CDK15: variants seen among roughly 807,000 people sequenced by gnomAD.
CDK15 encodes the protein cyclin dependent kinase 15.
CDK15 carries 62 observed loss-of-function variants against 60.3 expected under a neutral mutation model. The ratio of observed to expected loss-of-function variants is 1.03; its 90% CI spans 0.84 to 1.27. CDK15 has a LOEUF of 1.27. Ranked by LOEUF, CDK15 falls within the 50% of genes most tolerant of loss-of-function variation. The probability of loss-of-function intolerance (pLI) is 0.00; values close to 1 mark genes in which losing one functional copy is unlikely to be tolerated. For missense variants in CDK15, 541 were observed against 527.8 expected (o/e 1.03, Z -0.25); for synonymous variants, 194 against 195.7 (o/e 0.99, Z 0.07).
chr2:201,892,232 A>T (rs1699662365), intron 13 of CDK15, among the ~76,000 whole-genome samples: 1 of 152,214 alleles, frequency 6.6e-6, no homozygotes, highest in Non-Finnish European at 1.5e-5. Flanking sequence ...TCTAGAGCAG[A>T]GCTTTTACTG....
At chr2:201,845,034 A>T (rs2105769465) in intron 8 of CDK15, among the ~76,000 whole-genome samples, 1 of 152,146 alleles carries the variant, frequency 6.6e-6, no homozygotes, top group South Asian at 2.1e-4. Flanking sequence ...CTGTAATCCC[A>T]GTTACTCAGG....
intron 11 of CDK15, among the ~76,000 whole-genome samples, chr2:201,878,698 A>G (rs952935667): frequency 1.3e-5 from 2 of 152,166 alleles, no homozygotes; most frequent in Admixed American, 1.3e-4. Context: ...ATAGAAATGT[A>G]TTTCTCACAG....
chr2:201,892,814 C>A (rs1014483646), intron 13 of CDK15, among the ~76,000 whole-genome samples: 2 of 152,192 alleles, frequency 1.3e-5, no homozygotes, highest in Non-Finnish European at 2.9e-5. Context: ...TTAAAATATT[C>A]ACTTTTCAGG....
At position 201,882,833 on chromosome 2, in the gene CDK15, C is replaced by A. The variant is rs915184553; in HGVS notation, c.1198+2666C>A. ...CAGCCAGGGCTGGTTTGTGCACCTTCGTGACAGTGGCTCTCACCACCAGCA... is the reference window on the plus strand; with the variant it reads ...CAGCCAGGGCTGGTTTGTGCACCTTAGTGACAGTGGCTCTCACCACCAGCA... On this transcript the variant is annotated intron_variant, in intron 12 of 13. Coordinates refer to ENST00000652192, the MANE Select transcript of CDK15 (RefSeq NM_001366386.2). This position sits in a 1 kb window ranked among gnomAD's most constrained non-coding sequence, Gnocchi z 4.0. Among the ~76,000 whole-genome samples the A allele has an allele frequency of 3.9e-5, 6 of 152,212 alleles. No homozygotes were observed. The highest frequency in any genetic ancestry group is 1.4e-4 in the African/African-American group (6 of 41,458).
chr2:201,867,204 C>A (rs1698666779), intron 10 of CDK15, among the ~76,000 whole-genome samples: 1 of 152,174 alleles, frequency 6.6e-6, no homozygotes, highest in East Asian at 1.9e-4. Flanking sequence ...TGAGTTGTTA[C>A]AGATGAGGAA....
chr2:201,836,613 G>A (rs971374910), intron 8 of CDK15, among the ~76,000 whole-genome samples: 5 of 151,218 alleles, frequency 3.3e-5, no homozygotes, highest in African/African-American at 7.3e-5. Flanking sequence ...TTTCTTTCAC[G>A]CCTTTCCTCC....
intron 4 of CDK15, among the ~76,000 whole-genome samples, chr2:201,813,358 C>T (rs2106155627): frequency 6.6e-6 from 1 of 152,192 alleles, no homozygotes; most frequent in Middle Eastern, 3.4e-3. Context: ...TGAAATGAAT[C>T]ATTAAAAATA....
chr2:201,833,167 C>G (rs905603858), intron 6 of CDK15, among the ~76,000 whole-genome samples: 1 of 148,874 alleles, frequency 6.7e-6, no homozygotes, highest in Non-Finnish European at 1.5e-5. Context: ...TTTCTCCCTT[C>G]TTCCTCCTAC....
At chr2:201,873,142 T>A (rs999495942) in intron 11 of CDK15, among the ~76,000 whole-genome samples, 10 of 152,246 alleles carry the variant, frequency 6.6e-5, no homozygotes, top group Non-Finnish European at 1.3e-4. Flanking sequence ...CAAAAGTTGT[T>A]TGAATTCTTC....
intron 11 of CDK15, among the ~76,000 whole-genome samples, chr2:201,878,942 G>A (rs566564411): frequency 6.6e-6 from 1 of 152,276 alleles, no homozygotes; most frequent in East Asian, 1.9e-4. Context: ...GATACAAACA[G>A]TCAGACCATA....
chr2:201,813,375 A>G (rs1695858452), intron 4 of CDK15, among the ~76,000 whole-genome samples: 1 of 152,222 alleles, frequency 6.6e-6, no homozygotes, highest in South Asian at 2.1e-4. Context: ...AATATAATTT[A>G]TCAACCTTTA....
At chr2:201,844,296 G>A (rs1298756492) in intron 8 of CDK15, among the ~76,000 whole-genome samples, 1 of 152,174 alleles carries the variant, frequency 6.6e-6, no homozygotes, top group Admixed American at 6.5e-5. Flanking sequence ...AAGTGCATGT[G>A]GCGAAGTCAT....
At chr2:201,848,676 T>C (rs1697775841) in intron 9 of CDK15, among the ~76,000 whole-genome samples, 1 of 152,136 alleles carries the variant, frequency 6.6e-6, no homozygotes, top group African/African-American at 2.4e-5. Context: ...CTGGCTTATG[T>C]CACTTAGCAT....
chr2:201,882,595 C>T lies in CDK15; in HGVS notation c.1198+2428C>T, dbSNP rs930774593. Among the ~76,000 whole-genome samples, 1 of 151,622 alleles carries T rather than the reference C, an allele frequency of 6.6e-6. No homozygotes were observed. The highest frequency in any genetic ancestry group is 2.4e-5 in the African/African-American group (1 of 41,244). On this transcript the variant is annotated intron_variant, in intron 12 of 13. Coordinates refer to ENST00000652192, the MANE Select transcript of CDK15 (RefSeq NM_001366386.2). This position sits in a 1 kb window ranked among gnomAD's most constrained non-coding sequence, Gnocchi z 4.0. ...TCCCCGAGGGAGAAGATGAAAGCGC[C>T]GGTGCCAAGAGACAGGGAAAGGCGG...
chr2:201,882,165 T>TTG lies in CDK15; in HGVS notation c.1198+2006_1198+2007dup, dbSNP rs1395471526. Among the ~76,000 whole-genome samples, 1 of 151,752 alleles carries TTG rather than the reference T, an allele frequency of 6.6e-6. No individual in the cohort carries two copies. The highest frequency in any genetic ancestry group is 1.5e-5 in the Non-Finnish European group (1 of 67,958). The stretch of plus-strand genomic sequence containing the variant: ...GGCCGTGGTGCATGGGTATCTAAGG[T>TTG]TGTGTGTGTATGTGTGTATATGTGT... On this transcript the variant is annotated intron_variant, in intron 12 of 13. Coordinates refer to ENST00000652192, the MANE Select transcript of CDK15 (RefSeq NM_001366386.2). This position sits in a 1 kb window ranked among gnomAD's most constrained non-coding sequence, Gnocchi z 4.0.
At chr2:201,885,985 C>G (rs760359449) in intron 12 of CDK15, among the ~76,000 whole-genome samples, 3 of 152,194 alleles carry the variant, frequency 2.0e-5, no homozygotes, top group African/African-American at 4.8e-5. Context: ...TACTTCAAAT[C>G]TGACTCCTAA....
At chr2:201,835,942 A>G (rs1454201094) in intron 8 of CDK15, among the ~76,000 whole-genome samples, 179 bp downstream of exon 8, 3 of 118,396 alleles carry the variant, frequency 2.5e-5, no homozygotes, top group Admixed American at 9.5e-5. Flanking sequence ...ATATATTTAT[A>G]TATTTATATA....
chr2:201,867,380 T>G (rs1330319933), intron 10 of CDK15, among the ~76,000 whole-genome samples: 1 of 152,058 alleles, frequency 6.6e-6, no homozygotes, highest in South Asian at 2.1e-4. Context: ...ATCCTAACAC[T>G]TTGGGAGGCT....
chr2:201,836,047 T>TA lies in CDK15; in HGVS notation c.851+284_851+285insA, dbSNP rs55701907. Among the ~76,000 whole-genome samples, 388 of 74,932 alleles carry TA rather than the reference T, an allele frequency of 5.2e-3. 2 individuals carry two copies. The highest frequency in any genetic ancestry group is 0.013 in the African/African-American group (298 of 23,206). The allele number at this position is 74,932 out of a possible 152,430, so 49.2% of individuals were successfully genotyped here. ...ATATTTATATATATTTTATATATAT[T>TA]TATATATATATTATATATATTTATA... On this transcript the variant is annotated intron_variant, in intron 8 of 13. Transcript: ENST00000652192.
Sources: gnomAD v4.1 joint callset for allele counts (sites outside exome capture counted in the v4.1 genomes callset) on GRCh38, gnomAD v4.1.1 for gene constraint, Gnocchi (gnomAD v3.1) non-coding constraint, MANE v1.5 for transcripts, NCBI Gene and HGNC (gene_info 2026-07-23, HGNC 2026-07-21) for gene names.